Variants in GPR176 observed in about 807,000 individuals in gnomAD.
The protein encoded by GPR176 is G protein-coupled receptor 176, also known as G-protein coupled receptor 176.
In GPR176, 26 loss-of-function variants were observed where a neutral mutation model predicts 35.4. The observed-to-expected ratio is 0.74, with a 90% CI of 0.54 to 1.02. The LOEUF is 1.02. GPR176 is among the 50% of genes least tolerant of loss of function. The probability of loss-of-function intolerance (pLI) is 0.00; values close to 1 mark genes in which losing one functional copy is unlikely to be tolerated. For missense variants in GPR176, 597 were observed against 665.3 expected, an observed-to-expected ratio of 0.90 and a Z score of 1.13; for synonymous variants, 278 against 271.3, an observed-to-expected ratio of 1.02 and a Z score of -0.24.
intron 1 of GPR176, among the ~76,000 whole-genome samples, chr15:39,897,599 A>ATTTTTTTTTT (rs386382791): frequency 7.9e-5 from 7 of 88,522 alleles, no homozygotes; most frequent in African/African-American, 1.4e-4. Context: ...ACATCCAAAT[A>ATTTTTTTTTT]TTTTTTTTTT....
Position 39,919,909 on chromosome 15 carries a change from A to G in GPR176, c.118T>C (p.Tyr40His). 1 of 1,527,584 alleles carries G rather than the reference A, an allele frequency of 6.5e-7. No homozygotes were observed. The highest frequency in any genetic ancestry group is 1.2e-5 in the South Asian group (1 of 80,376). The allele number at this position is 1,527,584 out of a possible 1,614,324, so 94.6% of individuals were successfully genotyped here. Residue 40 changes from tyrosine (Y) to histidine (H), a missense_variant, in exon 1 of 3, where the codon TAC becomes CAC. Around this residue, in one of 3 missense-constraint regions of GPR176, gnomAD observed 126 missense variants for 112.4 expected, o/e 1.12. Coordinates refer to ENST00000561100, the MANE Select transcript of GPR176 (RefSeq NM_007223.3). ...ALGEFGEAQL[Y>H]RQFTTTVQVV... Reference sequence around the variant, plus strand: ...TGCACGGTGGTGGTGAACTGGCGGTACAGCTGCGCCTCGCCGAACTCCCCG... The same window carrying G: ...TGCACGGTGGTGGTGAACTGGCGGTGCAGCTGCGCCTCGCCGAACTCCCCG...
intron 1 of GPR176, among the ~76,000 whole-genome samples, chr15:39,876,902 G>T (rs191565488): frequency 3.3e-4 from 50 of 152,000 alleles, no homozygotes; most frequent in Non-Finnish European, 6.5e-4. Flanking sequence ...GAGAGAGAAT[G>T]AAAGAGAATA....
At chr15:39,892,126 A>G (rs2032895272) in intron 1 of GPR176, among the ~76,000 whole-genome samples, 1 of 152,236 alleles carries the variant, frequency 6.6e-6, no homozygotes, top group African/African-American at 2.4e-5. Flanking sequence ...AAAAGAAAGT[A>G]TGAAGCACCC....
At chr15:39,840,991 G>A (rs2029928505) in intron 1 of GPR176, among the ~76,000 whole-genome samples, 2 of 152,110 alleles carry the variant, frequency 1.3e-5, no homozygotes, top group Non-Finnish European at 2.9e-5. Flanking sequence ...AATGGAACCT[G>A]AACTTGACTC....
chr15:39,918,522 A>G (rs2033786433), intron 1 of GPR176, among the ~76,000 whole-genome samples: 1 of 152,196 alleles, frequency 6.6e-6, no homozygotes, highest in African/African-American at 2.4e-5. Context: ...CCTCTCCAAT[A>G]ACCCACACTT....
chr15:39,834,910 CA>C (rs1464941530), intron 1 of GPR176, among the ~76,000 whole-genome samples: 1 of 152,068 alleles, frequency 6.6e-6, no homozygotes, highest in Non-Finnish European at 1.5e-5. Flanking sequence ...TTTTAAAAAA[CA>C]AAAACAGTAA....
chr15:39,888,108 C>A (rs1436683530), intron 1 of GPR176, among the ~76,000 whole-genome samples: 1 of 152,172 alleles, frequency 6.6e-6, no homozygotes, highest in East Asian at 1.9e-4. Flanking sequence ...AGTCATTTAT[C>A]TAAATATTTA....
At chr15:39,850,305 G>T (rs1230366087) in intron 1 of GPR176, among the ~76,000 whole-genome samples, 1 of 152,144 alleles carries the variant, frequency 6.6e-6, no homozygotes, top group Non-Finnish European at 1.5e-5. Context: ...ATCATCTAAA[G>T]GGGCCACCAT....
intron 1 of GPR176, among the ~76,000 whole-genome samples, chr15:39,807,800 T>C (rs1899297416): frequency 6.6e-6 from 1 of 152,252 alleles, no homozygotes. Context: ...TTTTTCATTG[T>C]TGTTTTTGTA....
At position 39,809,916 on chromosome 15, in the gene GPR176, C is replaced by T. The variant is rs112955406; in HGVS notation, c.173-2658G>A. Reference sequence around the variant, plus strand: ...ATCCCAGCACTTTGGGAGGCTGAGGCGGGCGGATCACGAGGTCAGGAGATC... The same window carrying T: ...ATCCCAGCACTTTGGGAGGCTGAGGTGGGCGGATCACGAGGTCAGGAGATC... On this transcript the variant is annotated intron_variant, in intron 1 of 2. Transcript: ENST00000561100. Among the ~76,000 whole-genome samples the T allele has an allele frequency of 4.3e-3, 659 of 152,174 alleles. 7 individuals are homozygous for T. Among genetic ancestry groups the T allele is most frequent in the African/African-American group, 0.015 (623 of 41,518 alleles).
At chr15:39,878,770 T>C (rs1229211279) in intron 1 of GPR176, among the ~76,000 whole-genome samples, 3 of 152,246 alleles carry the variant, frequency 2.0e-5, no homozygotes, top group Non-Finnish European at 2.9e-5. Context: ...CTGCCTTTAG[T>C]TGTAAAACCA....
At chr15:39,881,343 T>C (rs1461465999) in intron 1 of GPR176, among the ~76,000 whole-genome samples, 2 of 152,236 alleles carry the variant, frequency 1.3e-5, no homozygotes, top group African/African-American at 2.4e-5. Context: ...AATGAATGGA[T>C]ACATTTAGAA....
chr15:39,920,055 C>A lies in GPR176; in HGVS notation c.-29G>T. 7.8e-7 allele frequency: 1 copy of A among 1,281,344 alleles called. No homozygotes were observed. The highest frequency in any genetic ancestry group is 9.9e-7 in the Non-Finnish European group (1 of 1,007,358). 79.4% of individuals were successfully genotyped at this position (1,281,344 alleles called of 1,614,324 possible). A position where few individuals can be genotyped will look rare whatever the true frequency, so the allele number is the denominator to read the frequency against. On this transcript the variant is annotated 5_prime_UTR_variant, in exon 1 of 3. Coordinates refer to ENST00000561100, the MANE Select transcript of GPR176 (RefSeq NM_007223.3). ...GAGGCTGGGACTCCGGCTCCGCGCGCCGCCCGCCTCGGAGCCCCGCGCGGA... is the reference window on the plus strand; with the variant it reads ...GAGGCTGGGACTCCGGCTCCGCGCGACGCCCGCCTCGGAGCCCCGCGCGGA...
chr15:39,801,356 G>T lies in GPR176; in HGVS notation c.1324C>A (p.Pro442Thr), dbSNP rs1338371253. Reference protein sequence around the residue: ...SQVAPAAPVEPETFPDKYSLQ... With the variant: ...SQVAPAAPVETETFPDKYSLQ... ...GAATACTTATCAGGGAATGTTTCAG[G>T]TTCCACAGGGGCTGCCGGTGCCACC... The change falls in exon 3 of 3, where the codon CCT becomes ACT. Residue 442 changes from proline to threonine, a missense_variant. Physicochemically the swap from Pro to Thr is conservative, Grantham distance 38 (BLOSUM62 -1). Transcript: ENST00000561100. 6.2e-7 allele frequency: 1 copy of T among 1,614,158 alleles called. No homozygotes were observed. The highest frequency in any genetic ancestry group is 1.7e-5 in the Admixed American group (1 of 60,028).
chr15:39,822,990 G>A (rs1386513392), intron 1 of GPR176, among the ~76,000 whole-genome samples: 1 of 152,148 alleles, frequency 6.6e-6, no homozygotes, highest in Non-Finnish European at 1.5e-5. Context: ...CGAAGGCCTT[G>A]GTCTGTTCCC....
chr15:39,842,376 C>T (rs1163626627), intron 1 of GPR176, among the ~76,000 whole-genome samples: 3 of 152,092 alleles, frequency 2.0e-5, no homozygotes, highest in Admixed American at 6.6e-5. Context: ...GCGGATGGTG[C>T]TAAACCATTA....
chr15:39,877,860 C>T (rs1566960038), intron 1 of GPR176, among the ~76,000 whole-genome samples: 1 of 152,142 alleles, frequency 6.6e-6, no homozygotes, highest in Non-Finnish European at 1.5e-5. Flanking sequence ...CCGCACCCTG[C>T]CCCAACTCCA....
At chr15:39,903,645 A>G (rs568684198) in intron 1 of GPR176, among the ~76,000 whole-genome samples, 1 of 152,212 alleles carries the variant, frequency 6.6e-6, no homozygotes, top group East Asian at 1.9e-4. Flanking sequence ...CCTCCAAAAA[A>G]CTGTATGAGA....
chr15:39,808,678 A>C (rs1429652821), intron 1 of GPR176, among the ~76,000 whole-genome samples: 2 of 152,186 alleles, frequency 1.3e-5, no homozygotes, highest in East Asian at 3.8e-4. Context: ...TTGTAACTCC[A>C]TGCCTAGCTC....
Sources: allele counts gnomAD v4.1 joint callset (sites outside exome capture counted in the v4.1 genomes callset), GRCh38; gene constraint gnomAD v4.1.1; regional missense constraint gnomAD v4.1.1; transcripts MANE v1.5; gene names NCBI Gene and HGNC (gene_info 2026-07-23, HGNC 2026-07-21).